UBA1: variants seen among roughly 807,000 people sequenced by gnomAD.
UBA1 encodes ubiquitin-like modifier-activating enzyme 1.
Under a neutral mutation model 84.7 loss-of-function variants are expected in UBA1, and 4 were observed. That is an observed-to-expected ratio of 0.05 (90% CI 0.02 to 0.11). The LOEUF (loss-of-function observed/expected upper bound fraction) is 0.11, where lower values mean the gene tolerates loss of function less well. Among genes scored for constraint, UBA1 ranks in the 10% least tolerant of loss-of-function variants. The pLI is 1.00. For missense variants in UBA1, 513 were observed against 902.8 expected (o/e 0.57, Z 5.53); for synonymous variants, 364 against 362.6 (o/e 1.00, Z -0.04).
At chrX:47,200,340 T>G (rs1423743630) in intron 5 of UBA1, among the ~76,000 whole-genome samples, 2 of 111,885 alleles carry the variant, frequency 1.8e-5, no homozygotes, top group African/African-American at 6.5e-5. Flanking sequence ...GGATGGGTGT[T>G]TGTTAATTAA....
chrX:47,203,336 A>G, intron 13 of UBA1, 122 bp downstream of exon 13: 2 of 901,826 alleles, frequency 2.2e-6, no homozygotes, highest in Non-Finnish European at 3.2e-6. Flanking sequence ...CCTTATCTTG[A>G]AGGGAAGCCC....
chrX:47,206,571 C>T (rs1307391296), intron 16 of UBA1, 127 bp downstream of exon 16: 12 of 658,061 alleles, frequency 1.8e-5, no homozygotes, highest in Non-Finnish European at 2.6e-5. Context: ...TTTCTCCAAA[C>T]CTCCCTCCCT....
Position 47,206,314 on chromosome X carries a change from C to G in UBA1, c.1808C>G (p.Thr603Ser), listed in dbSNP as rs782446441. Residue 603 changes from threonine to serine, a missense_variant, in exon 16 of 26, where the codon ACC becomes AGC. Transcript: ENST00000335972. ...KPLLESGTLG[T>S]KGNVQVVIPF... ...CTGCTGGAGTCAGGCACACTGGGCA[C>G]CAAAGGCAATGTGCAGGTGGTGATC... 20 of 1,211,282 alleles carry G rather than the reference C, an allele frequency of 1.7e-5. No homozygotes were observed. In the South Asian group the frequency reaches 3.2e-4, roughly 19 times the overall value.
chrX:47,211,016 C>T lies in UBA1; in HGVS notation c.2275-20C>T. 8.3e-7 allele frequency: 1 copy of T among 1,211,207 alleles called. No homozygotes were observed. The highest frequency in any genetic ancestry group is 1.7e-5 in the African/African-American group (1 of 57,741). On this transcript the variant is annotated intron_variant, in intron 19 of 25. Coordinates refer to ENST00000335972, the MANE Select transcript of UBA1 (RefSeq NM_003334.4). The stretch of plus-strand genomic sequence containing the variant: ...TCGAGGGCTGATGTGCTCACCCTTC[C>T]CTGCCCTGCCTTCTCCTAGCCCCTG...
intron 23 of UBA1, 28 bp downstream of exon 23, chrX:47,213,209 T>C: frequency 8.3e-7 from 1 of 1,198,581 alleles, no homozygotes; most frequent in East Asian, 3.0e-5. Flanking sequence ...AAGCAGGGTT[T>C]GGGTGGGGTG....
intron 25 of UBA1, 74 bp downstream of exon 25, chrX:47,214,711 C>T: frequency 8.4e-7 from 1 of 1,195,465 alleles, no homozygotes; most frequent in South Asian, 1.8e-5. Context: ...CTGTCCCACT[C>T]CAGTTCACTG....
At position 47,202,158 on chromosome X, in the gene UBA1, C is replaced by T; in HGVS notation, c.814C>T (p.Pro272Ser). 1.7e-6 allele frequency: 2 copies of T among 1,206,872 alleles called. No individual in the cohort carries two copies. Among genetic ancestry groups the T allele is most frequent in the Non-Finnish European group, 2.2e-6 (2 of 891,979 alleles). Residue 272 changes from proline (P) to serine (S), a missense_variant and splice_region_variant, in exon 9 of 26, where the codon CCT (proline) becomes TCT (serine). Transcript: ENST00000335972. Reference protein sequence around the residue: ...NQPMEIKVLGPYTFSICDTSN... With the variant: ...NQPMEIKVLGSYTFSICDTSN... ...AGCTCTCTTCCTGCCCTCTGTAGGT[C>T]CTTATACCTTTAGCATCTGTGACAC...
chrX:47,198,074 CT>C (rs1936267554), intron 1 of UBA1: 1 of 902,349 alleles, frequency 1.1e-6, no homozygotes, highest in Admixed American at 5.1e-5. Context: ...TTTGCAACCT[CT>C]TTTATTGGTC....
chrX:47,197,331 A>G, intron 1 of UBA1: 1 of 754,515 alleles, frequency 1.3e-6, no homozygotes. Flanking sequence ...GGTCATGGGG[A>G]TTGTTAAGAT....
upstream of UBA1, among the ~76,000 whole-genome samples, chrX:47,192,739 C>T (rs1185227677): frequency 9.0e-6 from 1 of 111,324 alleles, no homozygotes; most frequent in Non-Finnish European, 1.9e-5. Flanking sequence ...TACAGGCGCC[C>T]GCCAACATGC....
intron 14 of UBA1, among the ~76,000 whole-genome samples, chrX:47,203,928 A>G (rs1474323926): frequency 3.7e-5 from 4 of 107,967 alleles, no homozygotes; most frequent in African/African-American, 1.4e-4. Context: ...TTGCATTTTA[A>G]GTAGAGACAG....
chrX:47,195,428 T>C (rs1936171889), intron 1 of UBA1, among the ~76,000 whole-genome samples: 2 of 110,612 alleles, frequency 1.8e-5, no homozygotes, highest in Admixed American at 1.9e-4. Context: ...TTTTTGTATT[T>C]TTAGTAGAGA....
chrX:47,196,133 C>G (rs1556785448), intron 1 of UBA1, among the ~76,000 whole-genome samples: 1 of 111,292 alleles, frequency 9.0e-6, no homozygotes, highest in Admixed American at 9.5e-5. Flanking sequence ...CAGCCTTTCT[C>G]CAAAAGATCC....
intron 5 of UBA1, among the ~76,000 whole-genome samples, 199 bp downstream of exon 5, chrX:47,199,813 T>C (rs1936338154): frequency 9.3e-6 from 1 of 107,726 alleles, no homozygotes; most frequent in Admixed American, 9.8e-5. Flanking sequence ...GACGGAGTCT[T>C]GCTCTGTCGC....
intron 23 of UBA1, 79 bp downstream of exon 23, chrX:47,213,260 C>T: frequency 9.5e-7 from 1 of 1,054,748 alleles, no homozygotes; most frequent in African/African-American, 1.8e-5. Flanking sequence ...CATACCCTGT[C>T]ACCAGGTGAG....
chrX:47,197,725 T>A, intron 1 of UBA1: 1 of 591,521 alleles, frequency 1.7e-6, no homozygotes, highest in Non-Finnish European at 2.0e-6. Flanking sequence ...GTCAGGGTCA[T>A]GGAGGGGATG....
At chrX:47,198,103 C>T in intron 1 of UBA1, 2 of 909,109 alleles carry the variant, frequency 2.2e-6, no homozygotes, top group Non-Finnish European at 2.8e-6. Context: ...GTTTTCCCCT[C>T]CCAAAGCTGG....
At position 47,199,552 on chromosome X, in the gene UBA1, A is replaced by T. The variant is rs782246718; in HGVS notation, c.418A>T (p.Ser140Cys). ...ACAGCCCCGCCTCGCTGAGCTCAAC[A>T]GCTATGTGCCTGTCACTGCCTACAC... is the stretch of plus-strand genomic sequence containing the variant. ...VSQPRLAELN[S>C]YVPVTAYTGP... The change falls in exon 5 of 26, where the codon AGC becomes TGC. Residue 140 changes from serine (S) to cysteine (C), a missense_variant. Ser to Cys is a moderately radical substitution (Grantham distance 112, BLOSUM62 -1). This residue lies in a region of UBA1 where 227 missense variants were observed against 339.1 expected (regional missense o/e 0.67). Transcript: ENST00000335972. 8.3e-7 allele frequency: 1 copy of T among 1,211,716 alleles called. No individual in the cohort carries two copies. Among genetic ancestry groups the T allele is most frequent in the South Asian group, 1.8e-5 (1 of 56,990 alleles).
At chrX:47,193,353 C>T (rs569138358), upstream of UBA1, among the ~76,000 whole-genome samples, 16 of 111,143 alleles carry the variant, frequency 1.4e-4, no homozygotes, top group Admixed American at 3.8e-4. Context: ...GCGGGCGTGC[C>T]CCTTTTATTC....
Sources: gnomAD v4.1 joint callset for allele counts (sites outside exome capture counted in the v4.1 genomes callset) on GRCh38, gnomAD v4.1.1 for gene constraint, gnomAD v4.1.1 regional missense constraint, MANE v1.5 for transcripts, NCBI Gene and HGNC (gene_info 2026-07-23, HGNC 2026-07-21) for gene names.